Variants in ATP8B1 observed in about 807,000 individuals in gnomAD.
The protein encoded by ATP8B1 is ATPase phospholipid transporting 8B1.
A neutral mutation model predicts 149.9 loss-of-function variants in ATP8B1; 80 were observed. That is an observed-to-expected ratio of 0.53 (90% CI 0.45 to 0.64). ATP8B1 has a LOEUF of 0.64. Among genes scored for constraint, ATP8B1 ranks in the 30% least tolerant of loss-of-function variants. The pLI, the probability that ATP8B1 is intolerant of heterozygous loss-of-function variation, is 0.00. For synonymous variants in ATP8B1, 536 were observed against 562.8 expected (o/e 0.95, Z 0.67); for missense variants, 1,247 against 1,552.6 (o/e 0.80, Z 3.31).
At chr18:57,708,072 C>G (rs1252977223) in intron 2 of ATP8B1, among the ~76,000 whole-genome samples, 1 of 147,206 alleles carries the variant, frequency 6.8e-6, no homozygotes, top group Non-Finnish European at 1.5e-5. Context: ...GCAGGAGAAT[C>G]TCTTGAACCT....
At chr18:57,692,441 T>TC (rs1181549889) in intron 11 of ATP8B1, among the ~76,000 whole-genome samples, 3 of 146,136 alleles carry the variant, frequency 2.1e-5, no homozygotes, top group Non-Finnish European at 4.5e-5. Flanking sequence ...TTTTTTTTTT[T>TC]TTTTTTTTTT....
chr18:57,732,846 C>CCTT (rs2123150852), intron 1 of ATP8B1, among the ~76,000 whole-genome samples: 1 of 58,522 alleles, frequency 1.7e-5, no homozygotes, highest in African/African-American at 5.9e-5. Context: ...TACAGGCCCG[C>CCTT]GCCCGGCCGG....
At chr18:57,695,083 G>T in intron 10 of ATP8B1, 88 bp downstream of exon 10, 1 of 827,434 alleles carries the variant, frequency 1.2e-6, no homozygotes. Flanking sequence ...TCTTCTTTTG[G>T]TTTTGATGGA....
chr18:57,691,795 G>A lies in ATP8B1; in HGVS notation c.1220+12C>T. 1 of 1,613,854 alleles carries A rather than the reference G, an allele frequency of 6.2e-7. No homozygotes were observed. The highest frequency in any genetic ancestry group is 8.5e-7 in the Non-Finnish European group (1 of 1,179,924). ...TTCCATTAAAGCAAAATGCCAGAGA[G>A]GACAGCCTTACCTGACATAGAGAGA... On this transcript the variant is annotated intron_variant, in intron 12 of 27. Coordinates refer to ENST00000648908, the MANE Select transcript of ATP8B1 (RefSeq NM_001374385.1).
chr18:57,672,119 T>C (rs969648208), intron 16 of ATP8B1, among the ~76,000 whole-genome samples: 4 of 152,216 alleles, frequency 2.6e-5, no homozygotes. Context: ...CTCTGTTTTT[T>C]ATAACCTCAG....
chr18:57,780,753 A>AT lies in ATP8B1; in HGVS notation c.-26+22244dup, dbSNP rs528228497. On this transcript the variant is annotated intron_variant, in intron 1 of 27. Coordinates refer to ENST00000648908, the MANE Select transcript of ATP8B1 (RefSeq NM_001374385.1). The stretch of plus-strand genomic sequence containing the variant: ...TGTACACGATATGTAAAAAACTTTT[A>AT]TTTTTTTCTGTGGACAGTTTCACCC... Among the ~76,000 whole-genome samples, 23 of 152,142 alleles carry AT rather than the reference A, an allele frequency of 1.5e-4. No homozygotes were observed. The South Asian group carries it at 3.9e-3, about 26-fold the overall frequency.
At chr18:57,689,575 T>C (rs1568197187) in intron 12 of ATP8B1, among the ~76,000 whole-genome samples, 1 of 152,214 alleles carries the variant, frequency 6.6e-6, no homozygotes, top group Non-Finnish European at 1.5e-5. Flanking sequence ...CCTAAGTGCC[T>C]ACTATGTACC....
chr18:57,703,930 A>C (rs567202510), intron 4 of ATP8B1, among the ~76,000 whole-genome samples: 1 of 152,280 alleles, frequency 6.6e-6, no homozygotes, highest in South Asian at 2.1e-4. Context: ...AAATAGCTTT[A>C]ATTTTAAGGT....
intron 22 of ATP8B1, 73 bp downstream of exon 22, chr18:57,661,101 C>A: frequency 6.4e-7 from 1 of 1,565,754 alleles, no homozygotes; most frequent in African/African-American, 1.3e-5. Flanking sequence ...AAAGAAAATC[C>A]ACCCCCTACA....
At chr18:57,795,187 T>C (rs890022456) in intron 1 of ATP8B1, among the ~76,000 whole-genome samples, 3 of 151,934 alleles carry the variant, frequency 2.0e-5, no homozygotes, top group African/African-American at 4.8e-5. Flanking sequence ...GCTTGAGCCC[T>C]GGAGTTCAGC....
intron 21 of ATP8B1, 56 bp from the exon 22 acceptor site, chr18:57,661,518 C>G (rs1910403867): frequency 6.4e-7 from 1 of 1,551,730 alleles, no homozygotes; most frequent in East Asian, 2.3e-5. Flanking sequence ...CCCAGGAGTA[C>G]CATTCCCAAG....
rs200582319 is a variant in ATP8B1, at chr18:57,764,263, TTTCCTTCCTTCC to T, written c.-25-32443_-25-32432del. Among the ~76,000 whole-genome samples the T allele has an allele frequency of 2.0e-5, 3 of 150,314 alleles. No homozygotes were observed. In the East Asian group the frequency reaches 5.8e-4, roughly 29 times the overall value. On this transcript the variant is annotated intron_variant, in intron 1 of 27. Transcript: ENST00000648908. ...GGAGCCTGCCTTCCTTCCTTCCTTC[TTTCCTTCCTTCC>T]TTCCTTCTTTCTTTCTTCTTTTCTT...
intron 1 of ATP8B1, among the ~76,000 whole-genome samples, chr18:57,793,708 T>G (rs920432504): frequency 6.6e-6 from 1 of 152,132 alleles, no homozygotes; most frequent in Admixed American, 6.5e-5. Flanking sequence ...CCTGGGACAC[T>G]CTTTCCCCAA....
In ATP8B1 at chr18:57,695,547, A is replaced by G. The variant is rs2088197388; in HGVS notation, c.699-15T>C. Reference sequence around the variant, plus strand: ...AATTGGTTTCTCTAAAGGAATGGGGAAAAAATGAATTAAATGAACAAATTT... The same window carrying G: ...AATTGGTTTCTCTAAAGGAATGGGGGAAAAATGAATTAAATGAACAAATTT... On this transcript the variant is annotated splice_polypyrimidine_tract_variant and intron_variant, in intron 8 of 27. Transcript: ENST00000648908. The G allele has an allele frequency of 6.3e-7, 1 of 1,588,934 alleles. No individual in the cohort carries two copies. The highest frequency in any genetic ancestry group is 8.6e-7 in the Non-Finnish European group (1 of 1,157,720).
chr18:57,652,366 T>C (rs968352318), intron 25 of ATP8B1, 118 bp downstream of exon 25: 5 of 1,499,774 alleles, frequency 3.3e-6, no homozygotes, highest in Non-Finnish European at 4.6e-6. Flanking sequence ...AAATAGCATT[T>C]ATATTTTGTA....
Position 57,653,616 on chromosome 18 carries a change from T to C in ATP8B1, c.3015+376A>G, listed in dbSNP as rs73437002. On this transcript the variant is annotated intron_variant, in intron 24 of 27. Coordinates refer to ENST00000648908, the MANE Select transcript of ATP8B1 (RefSeq NM_001374385.1). ...GTATCTTCATAGTAAGCTCTTACTGTCTAAAAGGAACATAACAAATATGTG... is the reference window on the plus strand; with the variant it reads ...GTATCTTCATAGTAAGCTCTTACTGCCTAAAAGGAACATAACAAATATGTG... Among the ~76,000 whole-genome samples the C allele has an allele frequency of 4.5e-3, 685 of 151,792 alleles. 5 individuals carry two copies. Among genetic ancestry groups the C allele is most frequent in the African/African-American group, 0.016 (643 of 41,392 alleles).
chr18:57,715,075 T>C (rs1283048819), intron 2 of ATP8B1, among the ~76,000 whole-genome samples: 1 of 152,222 alleles, frequency 6.6e-6, no homozygotes, highest in Admixed American at 6.5e-5. Context: ...TTCAGAACTC[T>C]ATCAGATAAA....
At chr18:57,725,916 C>G (rs1006910803) in intron 2 of ATP8B1, among the ~76,000 whole-genome samples, 4 of 152,208 alleles carry the variant, frequency 2.6e-5, no homozygotes, top group Non-Finnish European at 5.9e-5. Flanking sequence ...AGACCTCAAA[C>G]TATGAAACTA....
At position 57,803,052 on chromosome 18, in the gene ATP8B1, C is replaced by G. The variant is rs2080598389; in HGVS notation, c.-80G>C. 1 of 151,726 alleles carries G rather than the reference C, an allele frequency of 6.6e-6. No homozygotes were observed. Among genetic ancestry groups the G allele is most frequent in the Non-Finnish European group, 1.5e-5 (1 of 67,966 alleles). 9.4% of individuals were successfully genotyped at this position (151,726 alleles called of 1,614,324 possible). A position where few individuals can be genotyped will look rare whatever the true frequency, so the allele number is the denominator to read the frequency against. On this transcript the variant is annotated 5_prime_UTR_variant, in exon 1 of 28. Transcript: ENST00000648908. ...TCCGCCTGGTGCGCGCCGCTCGGAG[C>G]GCTCGCTGCGCACCTGGCCGCTGCC... is the stretch of plus-strand genomic sequence containing the variant.
Sources: gnomAD v4.1 joint callset for allele counts (sites outside exome capture counted in the v4.1 genomes callset) on GRCh38, gnomAD v4.1.1 for gene constraint, MANE v1.5 for transcripts, NCBI Gene and HGNC (gene_info 2026-07-23, HGNC 2026-07-21) for gene names.